The following PRKD1 variants were observed in gnomAD, a reference collection of about 807,000 sequenced individuals.
PRKD1 encodes protein kinase D1.
Under a neutral mutation model 95.9 loss-of-function variants are expected in PRKD1, and 63 were observed. That is an observed-to-expected ratio of 0.66 (90% CI 0.54 to 0.81). The LOEUF (loss-of-function observed/expected upper bound fraction) is 0.81, where lower values mean the gene tolerates loss of function less well. PRKD1 is among the 30% of genes least tolerant of loss of function. The pLI is 0.00. For missense variants in PRKD1, 1,048 were observed against 1,165.3 expected, an observed-to-expected ratio of 0.90 and a Z score of 1.47; for synonymous variants, 425 against 423.1, an observed-to-expected ratio of 1.00 and a Z score of -0.05.
At chr14:29,835,074 TACAA>T (rs546108227) in intron 1 of PRKD1, among the ~76,000 whole-genome samples, 127 of 152,148 alleles carry the variant, frequency 8.3e-4, no homozygotes, top group African/African-American at 2.8e-3. Context: ...TACAAAGAAA[TACAA>T]ACAAATTCAG....
chr14:29,865,815 A>C (rs1892878241), intron 1 of PRKD1, among the ~76,000 whole-genome samples: 1 of 152,162 alleles, frequency 6.6e-6, no homozygotes, highest in Non-Finnish European at 1.5e-5. Context: ...ACAGCAGCAA[A>C]TCCCAAATTC....
At position 29,695,515 on chromosome 14, in the gene PRKD1, G is replaced by A. The variant is rs139187754; in HGVS notation, c.404-29307C>T. Among the ~76,000 whole-genome samples the A allele has an allele frequency of 2.7e-3, 417 of 152,306 alleles. 2 individuals carry two copies. Among genetic ancestry groups the A allele is most frequent in the Middle Eastern group, 0.014 (4 of 294 alleles). ...CGGAGCAGAGGTAGAGTATGAAAAA[G>A]AGAAAGCAAAGATGACTCCAAAGCT... On this transcript the variant is annotated intron_variant, in intron 2 of 17. Coordinates refer to ENST00000331968, the MANE Select transcript of PRKD1 (RefSeq NM_002742.3).
At chr14:29,675,414 C>T (rs1162092200) in intron 2 of PRKD1, among the ~76,000 whole-genome samples, 3 of 152,196 alleles carry the variant, frequency 2.0e-5, no homozygotes, top group Admixed American at 1.3e-4. Context: ...TCCCCATCCC[C>T]ATTCTTCTGA....
chr14:29,711,770 G>C (rs763125382), intron 2 of PRKD1, among the ~76,000 whole-genome samples: 10 of 152,054 alleles, frequency 6.6e-5, no homozygotes, highest in Non-Finnish European at 1.3e-4. Flanking sequence ...GAGACGTACA[G>C]TAAATAAAGG....
chr14:29,900,964 T>C, intron 1 of PRKD1, among the ~76,000 whole-genome samples: 1 of 152,206 alleles, frequency 6.6e-6, no homozygotes, highest in Admixed American at 6.5e-5. Flanking sequence ...AGCTACCATT[T>C]GACCCAGCAA....
At chr14:29,739,431 C>T (rs1360761810) in intron 1 of PRKD1, among the ~76,000 whole-genome samples, 1 of 151,846 alleles carries the variant, frequency 6.6e-6, no homozygotes, top group African/African-American at 2.4e-5. Context: ...AACGGTTTTC[C>T]TTCATAATTT....
chr14:29,663,804 G>A lies in PRKD1; in HGVS notation c.591C>T (p.Ser197=), dbSNP rs200522575. The part of the protein sequence containing the change: ...RCAFKIPNNC[S]GVRRRRLSNV... The stretch of plus-strand genomic sequence containing the variant: ...TTGAGAGCCTTCTCCGCCTCACACC[G>A]CTGCAATTGTTGGGTATTTTAAATG... The change falls in exon 4 of 18, where the codon AGC becomes AGT. Residue 197 remains serine (S), a synonymous_variant. Coordinates refer to ENST00000331968, the MANE Select transcript of PRKD1 (RefSeq NM_002742.3). The A allele has an allele frequency of 4.3e-5, 69 of 1,613,840 alleles. No individual in the cohort carries two copies. The highest frequency in any genetic ancestry group is 3.0e-4 in the Admixed American group (18 of 60,002).
intron 16 of PRKD1, among the ~76,000 whole-genome samples, chr14:29,580,177 A>C (rs1303128499): frequency 6.6e-6 from 1 of 152,174 alleles, no homozygotes; most frequent in Non-Finnish European, 1.5e-5. Flanking sequence ...AACTCAACAA[A>C]AGGTCTCGTT....
At chr14:29,715,014 C>A (rs1266350277) in intron 2 of PRKD1, among the ~76,000 whole-genome samples, 2 of 152,006 alleles carry the variant, frequency 1.3e-5, no homozygotes, top group African/African-American at 4.8e-5. Context: ...ATGTAGATGA[C>A]GGGTTGAGGG....
intron 4 of PRKD1, among the ~76,000 whole-genome samples, chr14:29,659,306 T>C (rs1358923772): frequency 1.3e-5 from 2 of 152,210 alleles, no homozygotes; most frequent in Non-Finnish European, 2.9e-5. Flanking sequence ...GATTCAACAA[T>C]GTTGCAGAGT....
intron 16 of PRKD1, among the ~76,000 whole-genome samples, chr14:29,592,436 T>G (rs1470204665): frequency 6.6e-6 from 1 of 152,248 alleles, no homozygotes; most frequent in African/African-American, 2.4e-5. Context: ...TGTTACATAT[T>G]GCTTATAATG....
intron 1 of PRKD1, among the ~76,000 whole-genome samples, chr14:29,853,996 C>G (rs1482266094): frequency 2.0e-5 from 3 of 152,166 alleles, no homozygotes; most frequent in Non-Finnish European, 4.4e-5. Context: ...TCCATTAAAC[C>G]TCTTTCTTTT....
At chr14:29,869,465 A>C (rs984341740) in intron 1 of PRKD1, among the ~76,000 whole-genome samples, 3 of 151,960 alleles carry the variant, frequency 2.0e-5, no homozygotes, top group Non-Finnish European at 4.4e-5. Context: ...AAGAAGAAAG[A>C]AAGAAATATT....
chr14:29,906,865 A>C (rs1409414985), intron 1 of PRKD1, among the ~76,000 whole-genome samples: 2 of 152,020 alleles, frequency 1.3e-5, no homozygotes, highest in Admixed American at 1.3e-4. Context: ...TTATTTTCTG[A>C]TTTTTTTCTC....
At chr14:29,884,038 T>A (rs1345958294) in intron 1 of PRKD1, among the ~76,000 whole-genome samples, 4 of 152,314 alleles carry the variant, frequency 2.6e-5, no homozygotes, top group Middle Eastern at 6.8e-3. Flanking sequence ...TTTGTGTAAT[T>A]TGGTCAACTC....
intron 10 of PRKD1, 40 bp downstream of exon 10, chr14:29,630,702 A>G (rs199577238): frequency 2.5e-6 from 4 of 1,613,030 alleles, no homozygotes; most frequent in Non-Finnish European, 2.5e-6. Flanking sequence ...GGGTAGGCAC[A>G]TGATGAGCTT....
At chr14:29,880,149 T>C (rs1292087024) in intron 1 of PRKD1, among the ~76,000 whole-genome samples, 2 of 152,162 alleles carry the variant, frequency 1.3e-5, no homozygotes, top group South Asian at 2.1e-4. Context: ...CTCCAGGCCA[T>C]GTCAGAGACC....
At chr14:29,890,659 T>A (rs1032709887) in intron 1 of PRKD1, among the ~76,000 whole-genome samples, 1 of 152,064 alleles carries the variant, frequency 6.6e-6, no homozygotes, top group Non-Finnish European at 1.5e-5. Flanking sequence ...GATAATACAT[T>A]CCAAGCATAT....
intron 1 of PRKD1, among the ~76,000 whole-genome samples, chr14:29,834,034 G>A (rs1891517946): frequency 6.6e-6 from 1 of 152,078 alleles, no homozygotes; most frequent in Non-Finnish European, 1.5e-5. Context: ...CCCCTCCACA[G>A]ATTTCCTACA....
Sources: allele counts gnomAD v4.1 joint callset (sites outside exome capture counted in the v4.1 genomes callset), GRCh38; gene constraint gnomAD v4.1.1; transcripts MANE v1.5; gene names NCBI Gene and HGNC (gene_info 2026-07-23, HGNC 2026-07-21).